The following DLC1 variants were observed in gnomAD, a reference collection of about 807,000 sequenced individuals.
DLC1 encodes rho GTPase-activating protein 7.
Under a neutral mutation model 140.3 loss-of-function variants are expected in DLC1, and 54 were observed. The observed-to-expected ratio is 0.38, with a 90% CI of 0.31 to 0.48. DLC1 has a LOEUF of 0.48. DLC1 is among the 20% of genes least tolerant of loss of function. The pLI is 0.96. For synonymous variants in DLC1, 986 were observed against 728.1 expected (o/e 1.35, Z -5.70); for missense variants, 2,536 against 1,907.0 (o/e 1.33, Z -6.14).
chr8:13,199,366 G>C (rs1264829711), intron 5 of DLC1, among the ~76,000 whole-genome samples: 1 of 151,604 alleles, frequency 6.6e-6, no homozygotes, highest in African/African-American at 2.4e-5. Context: ...AAATTTTTTT[G>C]TAGATGGAGA....
At chr8:13,303,613 C>T (rs1199181176) in intron 5 of DLC1, among the ~76,000 whole-genome samples, 1 of 151,984 alleles carries the variant, frequency 6.6e-6, no homozygotes. Flanking sequence ...ACTAGCCTGG[C>T]CAACATGGCG....
At chr8:13,316,001 T>G (rs543384092) in intron 4 of DLC1, among the ~76,000 whole-genome samples, 2 of 152,346 alleles carry the variant, frequency 1.3e-5, no homozygotes, top group Admixed American at 1.3e-4. Flanking sequence ...GAAAGACTAC[T>G]AAGTGATAAA....
At chr8:13,162,179 A>G (rs1395902721) in intron 5 of DLC1, among the ~76,000 whole-genome samples, 5 of 152,218 alleles carry the variant, frequency 3.3e-5, no homozygotes, top group African/African-American at 9.6e-5. Context: ...CTTAAGAGAA[A>G]CATAAGAGGA....
intron 5 of DLC1, among the ~76,000 whole-genome samples, chr8:13,254,371 C>G (rs1468258230): frequency 6.6e-6 from 1 of 152,122 alleles, no homozygotes; most frequent in South Asian, 2.1e-4. Flanking sequence ...CAAGGATGAA[C>G]TTCTGGGTTT....
At chr8:13,550,180 T>G in intron 1 of DLC1, among the ~76,000 whole-genome samples, 1 of 152,076 alleles carries the variant, frequency 6.6e-6, no homozygotes, top group Non-Finnish European at 1.5e-5. Context: ...GATTGGATTA[T>G]GGGGGGCAGT....
intron 4 of DLC1, among the ~76,000 whole-genome samples, chr8:13,353,038 A>G (rs1437530779): frequency 1.3e-5 from 2 of 151,972 alleles, no homozygotes; most frequent in Non-Finnish European, 2.9e-5. Context: ...TTAAAATACC[A>G]TATATATATA....
At chr8:13,451,465 T>C (rs1053783658) in intron 2 of DLC1, among the ~76,000 whole-genome samples, 1 of 152,162 alleles carries the variant, frequency 6.6e-6, no homozygotes, top group Non-Finnish European at 1.5e-5. Context: ...GTAGGTCTTA[T>C]TCATTCTATT....
intron 5 of DLC1, among the ~76,000 whole-genome samples, chr8:13,272,329 T>A (rs2117386657): frequency 6.6e-6 from 1 of 152,106 alleles, no homozygotes; most frequent in East Asian, 1.9e-4. Flanking sequence ...TTGCCTGTAA[T>A]CCCAGCTACT....
At chr8:13,487,761 C>T (rs191135399) in intron 2 of DLC1, among the ~76,000 whole-genome samples, 78 of 152,100 alleles carry the variant, frequency 5.1e-4, no homozygotes, top group Middle Eastern at 3.4e-3. Context: ...TTAGTAGAGA[C>T]AGAGTTTCAC....
chr8:13,399,933 G>A (rs1161032942), intron 3 of DLC1, among the ~76,000 whole-genome samples: 1 of 152,058 alleles, frequency 6.6e-6, no homozygotes, highest in Non-Finnish European at 1.5e-5. Context: ...ATGAGGATGG[G>A]GCAGAGGCAG....
intron 5 of DLC1, among the ~76,000 whole-genome samples, chr8:13,269,919 TAGG>T: frequency 7.0e-6 from 1 of 143,652 alleles, no homozygotes; most frequent in Non-Finnish European, 1.5e-5. Context: ...AAAAAAAAAT[TAGG>T]TGGGCATGGT....
At chr8:13,503,346 G>T (rs1321388302) in intron 1 of DLC1, among the ~76,000 whole-genome samples, 1 of 152,118 alleles carries the variant, frequency 6.6e-6, no homozygotes, top group Non-Finnish European at 1.5e-5. Context: ...CAAGACTGCA[G>T]TGAGCCATGA....
intron 1 of DLC1, among the ~76,000 whole-genome samples, chr8:13,582,661 G>A (rs928408051): frequency 6.6e-6 from 1 of 151,658 alleles, no homozygotes; most frequent in Non-Finnish European, 1.5e-5. Context: ...TTGTGATTGT[G>A]TGAGTTAATA....
At chr8:13,197,060 A>T (rs1251007897) in intron 5 of DLC1, among the ~76,000 whole-genome samples, 1 of 152,152 alleles carries the variant, frequency 6.6e-6, no homozygotes, top group Non-Finnish European at 1.5e-5. Context: ...GAGAACCTAT[A>T]TTGCTTCCTG....
At chr8:13,118,464 T>G (rs912270242) in intron 5 of DLC1, among the ~76,000 whole-genome samples, 7 of 152,032 alleles carry the variant, frequency 4.6e-5, no homozygotes, top group African/African-American at 1.7e-4. Context: ...CCATGGGAAA[T>G]AGACAAGCAT....
chr8:13,238,259 CCTATTAGCTCTACAAA>C (rs1440639631), intron 5 of DLC1, among the ~76,000 whole-genome samples: 6 of 151,838 alleles, frequency 4.0e-5, no homozygotes, highest in Non-Finnish European at 7.4e-5. Flanking sequence ...AAAACTAAAG[CCTATTAGCTCTACAAA>C]CTAATTTTGG....
intron 5 of DLC1, among the ~76,000 whole-genome samples, chr8:13,120,519 T>C (rs1000559587): frequency 6.6e-6 from 1 of 151,776 alleles, no homozygotes; most frequent in Non-Finnish European, 1.5e-5. Flanking sequence ...AACACAGCTC[T>C]GAATGTGTGA....
chr8:13,548,343 G>A (rs1000157326), intron 1 of DLC1, among the ~76,000 whole-genome samples: 5 of 148,074 alleles, frequency 3.4e-5, no homozygotes, highest in Non-Finnish European at 7.5e-5. Context: ...TTATCTTTTG[G>A]TTTATATCTT....
Position 13,248,597 on chromosome 8 carries a change from C to G in DLC1, c.1348+56672G>C, listed in dbSNP as rs143427587. Among the ~76,000 whole-genome samples the G allele has an allele frequency of 2.6e-4, 39 of 152,304 alleles. 1 individual carries two copies. The East Asian group carries it at 7.5e-3, about 29-fold the overall frequency. On this transcript the variant is annotated intron_variant, in intron 5 of 17. Transcript: ENST00000276297. Reference sequence around the variant, plus strand: ...GGAGGCAAAGTCTCTGCGGACACCCCCCACATGGTGTAACCCTGCAATTCC... The same window carrying G: ...GGAGGCAAAGTCTCTGCGGACACCCGCCACATGGTGTAACCCTGCAATTCC...
Sources: gnomAD v4.1 joint callset for allele counts (sites outside exome capture counted in the v4.1 genomes callset) on GRCh38, gnomAD v4.1.1 for gene constraint, MANE v1.5 for transcripts, NCBI Gene and HGNC (gene_info 2026-07-23, HGNC 2026-07-21) for gene names.